The following MED14 variants were observed in gnomAD, a reference collection of about 807,000 sequenced individuals.
MED14 encodes mediator of RNA polymerase II transcription subunit 14.
Under a neutral mutation model 109.0 loss-of-function variants are expected in MED14, and 8 were observed. The observed-to-expected ratio is 0.07, with a 90% CI of 0.04 to 0.13. MED14 has a LOEUF of 0.13. Ranked by LOEUF, MED14 falls within the 10% of genes least tolerant of loss-of-function variation. MED14 has a pLI of 1.00. For synonymous variants in MED14, 399 were observed against 408.7 expected (o/e 0.98, Z 0.29); for missense variants, 711 against 1,142.4 (o/e 0.62, Z 5.44).
chrX:40,659,674 T>C, intron 26 of MED14, 67 bp from the exon 27 acceptor site: 1 of 1,071,368 alleles, frequency 9.3e-7, no homozygotes, highest in Non-Finnish European at 1.3e-6. Flanking sequence ...TACTGAGAAT[T>C]GTTCCAAAAG....
At chrX:40,692,942 AAGTGTC>A (rs763114480) in intron 13 of MED14, 40 bp from the exon 14 acceptor site, 4 of 1,023,307 alleles carry the variant, frequency 3.9e-6, no homozygotes, top group Non-Finnish European at 5.1e-6. Context: ...GAGAAATAAG[AAGTGTC>A]AGATATTTTC....
Position 40,662,674 on chromosome X carries a change from T to C in MED14, c.3684+251A>G, listed in dbSNP as rs113263874. ...CTGCAGAAATCTATCTCCAGGTCCA[T>C]GTTAGCCATATAACATAGAAGCCAC... On this transcript the variant is annotated intron_variant, in intron 26 of 30. Transcript: ENST00000324817. Among the ~76,000 whole-genome samples, 4 of 112,224 alleles carry C rather than the reference T, an allele frequency of 3.6e-5. No individual in the cohort carries two copies. The East Asian group carries it at 8.3e-4, about 23-fold the overall frequency.
chrX:40,735,243 A>T lies in MED14; in HGVS notation c.170T>A (p.Phe57Tyr). ...CTCCGAGTAGGCCCGGTGCAGCAGA[A>T]ATTCAATGAGGGTGCTCAGCCGGTA... ...PGYRLSTLIEFLLHRAYSELM... is the reference protein window; with the variant it reads ...PGYRLSTLIEYLLHRAYSELM... The change falls in exon 1 of 31, where the codon TTT (phenylalanine) becomes TAT (tyrosine). Residue 57 changes from phenylalanine to tyrosine, a missense_variant. Transcript: ENST00000324817. The T allele has an allele frequency of 8.7e-7, 1 of 1,149,444 alleles. No homozygotes were observed. The highest frequency in any genetic ancestry group is 1.2e-6 in the Non-Finnish European group (1 of 865,128). 94.7% of individuals were successfully genotyped at this position (1,149,444 alleles called of 1,213,427 possible). A position where few individuals can be genotyped will look rare whatever the true frequency, so the allele number is the denominator to read the frequency against.
chrX:40,694,840 C>A (rs1007235062), intron 13 of MED14, among the ~76,000 whole-genome samples: 9 of 112,122 alleles, frequency 8.0e-5, no homozygotes, highest in Non-Finnish European at 1.7e-4. Flanking sequence ...AATAATCCCA[C>A]TCCTAGTTAC....
intron 15 of MED14, among the ~76,000 whole-genome samples, chrX:40,690,438 GAGA>G (rs1318439841): frequency 2.3e-4 from 25 of 110,873 alleles, no homozygotes; most frequent in Admixed American, 3.8e-4. Flanking sequence ...TGTTTGTTTT[GAGA>G]AGGAGTCTCG....
chrX:40,730,241 T>A, intron 1 of MED14, among the ~76,000 whole-genome samples: 1 of 112,444 alleles, frequency 8.9e-6, no homozygotes, highest in Middle Eastern at 4.6e-3. Flanking sequence ...TGGCTTATAG[T>A]TACCTCCTAC....
intron 26 of MED14, among the ~76,000 whole-genome samples, chrX:40,661,324 C>A (rs1452054199): frequency 3.7e-5 from 4 of 108,500 alleles, no homozygotes; most frequent in African/African-American, 1.5e-4. Context: ...TCAAGTGATC[C>A]GCCTGCCTCA....
intron 11 of MED14, 45 bp from the exon 12 acceptor site, chrX:40,701,288 C>T: frequency 1.2e-6 from 1 of 863,899 alleles, no homozygotes; most frequent in Non-Finnish European, 1.7e-6. Flanking sequence ...ATATGAGAAA[C>T]AAAATCTTTA....
intron 30 of MED14, among the ~76,000 whole-genome samples, chrX:40,653,490 A>G (rs1602438579): frequency 8.9e-6 from 1 of 112,252 alleles, no homozygotes; most frequent in East Asian, 2.8e-4. Flanking sequence ...ACACTGTAGT[A>G]CCTAAAAATG....
chrX:40,732,444 GGGA>G (rs931439620), intron 1 of MED14, among the ~76,000 whole-genome samples: 3 of 108,477 alleles, frequency 2.8e-5, no homozygotes, highest in Non-Finnish European at 3.8e-5. Flanking sequence ...ACTTGAACCC[GGGA>G]GGCGGAGGCT....
intron 15 of MED14, among the ~76,000 whole-genome samples, chrX:40,691,684 T>C (rs1241961805): frequency 3.0e-5 from 3 of 100,277 alleles, no homozygotes; most frequent in Non-Finnish European, 6.0e-5. Flanking sequence ...CAATCTTGAC[T>C]CACTGCAACC....
chrX:40,698,796 T>C (rs1930817261), intron 12 of MED14, among the ~76,000 whole-genome samples: 1 of 112,151 alleles, frequency 8.9e-6, no homozygotes, highest in Admixed American at 9.4e-5. Context: ...AAATGGAAAT[T>C]CTCGCAACAT....
intron 3 of MED14, among the ~76,000 whole-genome samples, chrX:40,717,357 A>G (rs1298473224): frequency 9.0e-6 from 1 of 111,144 alleles, no homozygotes; most frequent in East Asian, 2.8e-4. Context: ...AACACCCATT[A>G]TGAGATACAG....
rs1168560484 is a variant in MED14, at chrX:40,650,417, C to A, written c.*1389G>T. ...GATAGTTATAGAAGCTCAATTAAAT[C>A]ATCTTGAAGTGGAATTAGACAAAGC... On this transcript the variant is annotated 3_prime_UTR_variant, in exon 31 of 31. Transcript: ENST00000324817. 1.3e-6 allele frequency: 1 copy of A among 752,064 alleles called. No homozygotes were observed. The highest frequency in any genetic ancestry group is 1.6e-6 in the Non-Finnish European group (1 of 638,337). 62.0% of individuals were successfully genotyped at this position (752,064 alleles called of 1,213,427 possible).
intron 3 of MED14, 52 bp downstream of exon 3, chrX:40,726,694 A>G (rs975670655): frequency 1.2e-5 from 12 of 1,008,037 alleles, no homozygotes; most frequent in Middle Eastern, 2.9e-4. Flanking sequence ...TATGTCTATC[A>G]TAACATTCGA....
chrX:40,658,089 C>T (rs1279090746), intron 28 of MED14, among the ~76,000 whole-genome samples: 9 of 106,911 alleles, frequency 8.4e-5, no homozygotes, highest in South Asian at 4.1e-4. Context: ...CCACCGTGCA[C>T]GGCCTTTTTT....
At chrX:40,686,579 T>C (rs937001920) in intron 16 of MED14, among the ~76,000 whole-genome samples, 8 of 111,643 alleles carry the variant, frequency 7.2e-5, no homozygotes, top group African/African-American at 2.6e-4. Flanking sequence ...ACTATTCTAG[T>C]TCAATTCTGT....
chrX:40,697,005 C>T lies in MED14; in HGVS notation c.1650+19G>A, dbSNP rs765447095. The T allele has an allele frequency of 8.6e-7, 1 of 1,169,063 alleles. No individual in the cohort carries two copies. Among genetic ancestry groups the T allele is most frequent in the Non-Finnish European group, 1.2e-6 (1 of 862,266 alleles). ...ATTACTAAACTTGATCACTCCAAAT[C>T]ACTCCTTTGCATACTTACAATGTAG... On this transcript the variant is annotated intron_variant, in intron 13 of 30. Coordinates refer to ENST00000324817, the MANE Select transcript of MED14 (RefSeq NM_004229.4).
Position 40,675,422 on chromosome X carries a change from T to A in MED14, c.2881-61A>T, listed in dbSNP as rs1366058449. ...ACCTAACATTATTAGTAAAATATTT[T>A]AAATTATTTAGAATATTTAAACAGA... On this transcript the variant is annotated intron_variant, in intron 21 of 30. Coordinates refer to ENST00000324817, the MANE Select transcript of MED14 (RefSeq NM_004229.4). 7 of 863,220 alleles carry A rather than the reference T, an allele frequency of 8.1e-6. No homozygotes were observed. The Admixed American group carries it at 2.4e-4, about 30-fold the overall frequency. 71.1% of individuals were successfully genotyped at this position (863,220 alleles called of 1,213,427 possible).
Sources: gnomAD v4.1 joint callset for allele counts (sites outside exome capture counted in the v4.1 genomes callset) on GRCh38, gnomAD v4.1.1 for gene constraint, MANE v1.5 for transcripts, NCBI Gene and HGNC (gene_info 2026-07-23, HGNC 2026-07-21) for gene names.